Variants in TMEM14C observed in about 807,000 individuals in gnomAD.
The protein encoded by TMEM14C is transmembrane protein 14C, also known as chromosome 6 open reading frame 53.
In TMEM14C, 13 loss-of-function variants were observed where a neutral mutation model predicts 14.8. The observed-to-expected ratio is 0.88, with a 90% confidence interval of 0.57 to 1.40. The LOEUF (loss-of-function observed/expected upper bound fraction) is 1.40, where lower values mean the gene tolerates loss of function less well. Among genes scored for constraint, TMEM14C ranks in the 40% most tolerant of loss-of-function variants. The pLI is 0.00. For missense variants in TMEM14C, 142 were observed against 138.8 expected, an observed-to-expected ratio of 1.02 and a Z score of -0.12; for synonymous variants, 57 against 51.3, an observed-to-expected ratio of 1.11 and a Z score of -0.48.
In TMEM14C at chr6:10,723,235, G is replaced by C. The variant is rs959217434; in HGVS notation, c.-51G>C. 1.3e-5 allele frequency: 2 copies of C among 152,294 alleles called. No homozygotes were observed. The highest frequency in any genetic ancestry group is 4.8e-5 in the African/African-American group (2 of 41,474). The allele number at this position is 152,294 out of a possible 1,614,324, so 9.4% of individuals were successfully genotyped here. On this transcript the variant is annotated 5_prime_UTR_variant, in exon 1 of 6. Transcript: ENST00000229563. ...CCTTGTAGACAGCCGGGGCCTTCGT[G>C]AGACCGGTGCGAGTATTTGGGGATT...
At position 10,725,151 on chromosome 6, in the gene TMEM14C, C is replaced by CA. The variant is rs1162720242; in HGVS notation, c.97+116dup. Reference sequence around the variant, plus strand: ...TTGAGTCAGGTTTGCTGTGGGTCCCCAAGCTGGAGTGCAGGCTTCCTTGTC... The same window carrying CA: ...TTGAGTCAGGTTTGCTGTGGGTCCCCAAAGCTGGAGTGCAGGCTTCCTTGTC... On this transcript the variant is annotated intron_variant, in intron 3 of 5. Transcript: ENST00000229563. 3 of 1,270,294 alleles carry CA rather than the reference C, an allele frequency of 2.4e-6. No homozygotes were observed. In the African/African-American group the frequency reaches 4.4e-5, roughly 19 times the overall value. 78.7% of individuals were successfully genotyped at this position (1,270,294 alleles called of 1,614,324 possible).
chr6:10,727,304 G>A (rs908237408), intron 4 of TMEM14C, among the ~76,000 whole-genome samples: 3 of 151,910 alleles, frequency 2.0e-5, no homozygotes, highest in Admixed American at 6.6e-5. Context: ...GTGGATCCCC[G>A]CATTGATATT....
At position 10,730,862 on chromosome 6, in the gene TMEM14C, A is replaced by G. The variant is rs1336880565; in HGVS notation, c.*196A>G. 5 of 1,276,100 alleles carry G rather than the reference A, an allele frequency of 3.9e-6. No individual in the cohort carries two copies. The South Asian group carries it at 1.2e-4, about 30-fold the overall frequency. 79.0% of individuals were successfully genotyped at this position (1,276,100 alleles called of 1,614,324 possible). A position where few individuals can be genotyped will look rare whatever the true frequency, so the allele number is the denominator to read the frequency against. ...ACAGAGGTGGCGAGTATGTAACACAAGAGCTTAATAAGACCCTCATAGAGC... is the reference window on the plus strand; with the variant it reads ...ACAGAGGTGGCGAGTATGTAACACAGGAGCTTAATAAGACCCTCATAGAGC... On this transcript the variant is annotated 3_prime_UTR_variant, in exon 6 of 6. Transcript: ENST00000229563.
At chr6:10,724,904 A>T in intron 2 of TMEM14C, 57 bp from the exon 3 acceptor site, 1 of 1,588,890 alleles carries the variant, frequency 6.3e-7, no homozygotes, top group Non-Finnish European at 8.6e-7. Flanking sequence ...ATCCTATGAC[A>T]GTATGGTTTG....
chr6:10,728,519 A>G (rs1283584110), intron 4 of TMEM14C, 121 bp from the exon 5 acceptor site: 4 of 1,048,942 alleles, frequency 3.8e-6, no homozygotes, highest in South Asian at 3.1e-5. Context: ...ACTTGGGGAA[A>G]GAGGAATAAG....
chr6:10,725,187 C>A (rs1770821197), intron 3 of TMEM14C, 150 bp downstream of exon 3: 5 of 924,196 alleles, frequency 5.4e-6, no homozygotes, highest in Non-Finnish European at 6.9e-6. Flanking sequence ...AGTCTTGCAG[C>A]TCCTGCCCTT....
intron 5 of TMEM14C, among the ~76,000 whole-genome samples, chr6:10,729,336 C>T (rs1410659526): frequency 6.6e-6 from 1 of 152,076 alleles, no homozygotes; most frequent in Non-Finnish European, 1.5e-5. Flanking sequence ...TGTTTCACCA[C>T]ATTGGCCAGG....
intron 4 of TMEM14C, 106 bp downstream of exon 4, chr6:10,726,114 C>G: frequency 5.6e-6 from 7 of 1,257,948 alleles, no homozygotes; most frequent in South Asian, 1.3e-5. Flanking sequence ...ACTTCACTTA[C>G]GACAATTTCA....
chr6:10,725,005 C>T lies in TMEM14C; in HGVS notation c.65C>T (p.Ala22Val), dbSNP rs182610854. The T allele has an allele frequency of 1.2e-5, 19 of 1,614,206 alleles. No homozygotes were observed. The East Asian group carries it at 2.2e-4, about 19-fold the overall frequency. Reference protein sequence around the residue: ...WFGFGYAALVASGGIIGYVKA... With the variant: ...WFGFGYAALVVSGGIIGYVKA... ...GGCTTTGGCTACGCAGCACTGGTTG[C>T]TTCTGGTGGGATCATTGGCTATGTA... The change falls in exon 3 of 6, where the codon GCT becomes GTT. Residue 22 changes from alanine to valine, a missense_variant. Physicochemically the swap from Ala to Val is moderately conservative, Grantham distance 64 (BLOSUM62 0). Transcript: ENST00000229563.
At chr6:10,730,521 G>A (rs964913494) in intron 5 of TMEM14C, 94 bp from the exon 6 acceptor site, 5 of 1,230,728 alleles carry the variant, frequency 4.1e-6, no homozygotes, top group Admixed American at 2.0e-5. Context: ...CCTCCCCCAC[G>A]CAGTTGTGAG....
rs773139599 is a variant in TMEM14C, at chr6:10,730,677, G to A, written c.*11G>A. ...AACAGACCCCATTAGCAGAAGTCAT[G>A]TTCCAGCTTAGACTGATGAAGAATT... is the stretch of plus-strand genomic sequence containing the variant. On this transcript the variant is annotated 3_prime_UTR_variant, in exon 6 of 6. Transcript: ENST00000229563. 11 of 1,607,490 alleles carry A rather than the reference G, an allele frequency of 6.8e-6. No individual in the cohort carries two copies. The highest frequency in any genetic ancestry group is 9.4e-6 in the Non-Finnish European group (11 of 1,175,642).
At chr6:10,730,404 G>GT (rs923626438) in intron 5 of TMEM14C, among the ~76,000 whole-genome samples, 5 of 152,224 alleles carry the variant, frequency 3.3e-5, no homozygotes, top group African/African-American at 7.2e-5. Context: ...TGGCAGTTGG[G>GT]TTAGGATCCA....
rs1022929306 is a variant in TMEM14C, at chr6:10,730,863, G to C, written c.*197G>C. 3 of 1,275,256 alleles carry C rather than the reference G, an allele frequency of 2.4e-6. No individual in the cohort carries two copies. The highest frequency in any genetic ancestry group is 3.4e-5 in the Admixed American group (1 of 29,486). 79.0% of individuals were successfully genotyped at this position (1,275,256 alleles called of 1,614,324 possible). ...CAGAGGTGGCGAGTATGTAACACAA[G>C]AGCTTAATAAGACCCTCATAGAGCT... On this transcript the variant is annotated 3_prime_UTR_variant, in exon 6 of 6. Transcript: ENST00000229563.
At chr6:10,725,450 T>G (rs1483715462) in intron 3 of TMEM14C, among the ~76,000 whole-genome samples, 1 of 152,192 alleles carries the variant, frequency 6.6e-6, no homozygotes, top group East Asian at 1.9e-4. Flanking sequence ...GTTTGCCCCC[T>G]AGTCCTTGCC....
At chr6:10,730,483 A>G in intron 5 of TMEM14C, 132 bp from the exon 6 acceptor site, 1 of 747,708 alleles carries the variant, frequency 1.3e-6, no homozygotes, top group Non-Finnish European at 2.0e-6. Flanking sequence ...ATGGAAATTT[A>G]CCCCTGACCA....
chr6:10,728,523 G>A, intron 4 of TMEM14C, 117 bp from the exon 5 acceptor site: 3 of 1,083,066 alleles, frequency 2.8e-6, no homozygotes, highest in Non-Finnish European at 4.0e-6. Flanking sequence ...GGGGAAAGAG[G>A]AATAAGCATA....
intron 3 of TMEM14C, 70 bp downstream of exon 3, chr6:10,725,107 C>T: frequency 6.3e-7 from 1 of 1,576,948 alleles, no homozygotes; most frequent in Non-Finnish European, 8.7e-7. Flanking sequence ...ATGCCCGTGT[C>T]CCTGAGAAGC....
chr6:10,727,650 G>A (rs757050483), intron 4 of TMEM14C, among the ~76,000 whole-genome samples: 3 of 151,860 alleles, frequency 2.0e-5, no homozygotes, highest in Middle Eastern at 3.2e-3. Context: ...GGTGAAACCC[G>A]GTCTCTAATT....
rs78650938 is a variant in TMEM14C, at chr6:10,723,612, G to A, written c.-45+371G>A. Among the ~76,000 whole-genome samples the A allele has an allele frequency of 7.9e-5, 3 of 37,990 alleles. No homozygotes were observed. The East Asian group carries it at 2.2e-3, about 28-fold the overall frequency. 24.9% of individuals were successfully genotyped at this position (37,990 alleles called of 152,430 possible). A position where few individuals can be genotyped will look rare whatever the true frequency, so the allele number is the denominator to read the frequency against. ...CTTAATTCTTTTTTTTTTTTTTTTT[G>A]TCCTTGAGGGAGGGACTTGCTCTGT... On this transcript the variant is annotated intron_variant, in intron 1 of 5. Transcript: ENST00000229563.
Sources: allele counts gnomAD v4.1 joint callset (sites outside exome capture counted in the v4.1 genomes callset), GRCh38; gene constraint gnomAD v4.1.1; transcripts MANE v1.5; gene names NCBI Gene and HGNC (gene_info 2026-07-23, HGNC 2026-07-21).